The following RIMS2 variants were observed in gnomAD, a reference collection of about 807,000 sequenced individuals.
RIMS2 encodes the protein regulating synaptic membrane exocytosis 2, also known as regulating synaptic membrane exocytosis protein 2.
Under a neutral mutation model 174.4 loss-of-function variants are expected in RIMS2, and 59 were observed. The observed-to-expected ratio is 0.34, with a 90% CI of 0.27 to 0.42. RIMS2 has a LOEUF of 0.42. Among genes scored for constraint, RIMS2 ranks in the 10% least tolerant of loss-of-function variants. The pLI is 1.00. For synonymous variants in RIMS2, 606 were observed against 572.5 expected (o/e 1.06, Z -0.84); for missense variants, 1,620 against 1,666.3 (o/e 0.97, Z 0.48).
intron 1 of RIMS2, among the ~76,000 whole-genome samples, chr8:103,623,049 A>G (rs1428189263): frequency 2.0e-5 from 3 of 152,202 alleles, no homozygotes; most frequent in Non-Finnish European, 4.4e-5. Context: ...TTTGTTCCAT[A>G]AGACAGTCTC....
intron 19 of RIMS2, among the ~76,000 whole-genome samples, chr8:104,235,946 T>G (rs1045311861): frequency 1.6e-4 from 25 of 152,092 alleles, no homozygotes; most frequent in Admixed American, 1.5e-3. Flanking sequence ...CAGTCAAGAT[T>G]TATTCATTGC....
chr8:103,526,479 C>A (rs1260534068), intron 1 of RIMS2, among the ~76,000 whole-genome samples: 1 of 152,030 alleles, frequency 6.6e-6, no homozygotes, highest in East Asian at 1.9e-4. Context: ...CTAAGATAAA[C>A]AATAGACCAT....
At chr8:103,947,317 C>A (rs1409938577) in intron 14 of RIMS2, among the ~76,000 whole-genome samples, 1 of 152,102 alleles carries the variant, frequency 6.6e-6, no homozygotes, top group African/African-American at 2.4e-5. Flanking sequence ...AAGCCTCAGG[C>A]TGGGAGAAAA....
At chr8:103,653,792 T>G (rs750269651) in intron 1 of RIMS2, among the ~76,000 whole-genome samples, 1 of 152,128 alleles carries the variant, frequency 6.6e-6, no homozygotes, top group Non-Finnish European at 1.5e-5. Context: ...GTACTCTTCC[T>G]AATAGTTAAT....
intron 1 of RIMS2, among the ~76,000 whole-genome samples, chr8:103,546,046 T>C (rs1441874180): frequency 6.6e-6 from 1 of 152,040 alleles, no homozygotes; most frequent in Non-Finnish European, 1.5e-5. Context: ...TAACCTGGAA[T>C]GTAAACAAGC....
Position 103,500,996 on chromosome 8 carries a change from G to A in RIMS2, c.110G>A (p.Arg37Lys), listed in dbSNP as rs780062962. 5.0e-6 allele frequency: 8 copies of A among 1,611,822 alleles called. No individual in the cohort carries two copies. The East Asian group carries it at 1.6e-4, about 32-fold the overall frequency. ...CTCAGCCACCTCACGGAGGAGGAGA[G>A]GAAAATCATCCTGGCCGTCATGGAT... The change falls in exon 1 of 24, where the codon AGG becomes AAG. Residue 37 changes from arginine (R) to lysine (K), a missense_variant. Coordinates refer to ENST00000504942, the Ensembl canonical transcript of RIMS2.
At chr8:103,519,989 G>C (rs1302072701) in intron 1 of RIMS2, among the ~76,000 whole-genome samples, 1 of 151,836 alleles carries the variant, frequency 6.6e-6, no homozygotes, top group African/African-American at 2.4e-5. Flanking sequence ...TTCTAATCCT[G>C]TGTTTACTTA....
intron 1 of RIMS2, among the ~76,000 whole-genome samples, chr8:103,613,318 C>G (rs1449332731): frequency 2.0e-5 from 3 of 152,210 alleles, no homozygotes; most frequent in Admixed American, 2.0e-4. Flanking sequence ...TCCCTGTGGG[C>G]ACACTAACCC....
At chr8:103,944,550 C>T (rs923355502) in intron 14 of RIMS2, among the ~76,000 whole-genome samples, 2 of 152,022 alleles carry the variant, frequency 1.3e-5, no homozygotes, top group Admixed American at 6.6e-5. Context: ...AATCTACCAA[C>T]ATTTTTCATT....
At chr8:103,603,030 G>T (rs1317420032) in intron 1 of RIMS2, among the ~76,000 whole-genome samples, 1 of 151,290 alleles carries the variant, frequency 6.6e-6, no homozygotes, top group Non-Finnish European at 1.5e-5. Context: ...AAGTTTTAGG[G>T]TACATGTGCA....
intron 1 of RIMS2, among the ~76,000 whole-genome samples, chr8:103,696,885 A>AAAC (rs1554753422): frequency 0.11 from 15,378 of 136,012 alleles, 1,193 homozygotes; most frequent in African/African-American, 0.14. Context: ...AAAAAAAAAA[A>AAAC]GAAGGTAGAA....
intron 3 of RIMS2, among the ~76,000 whole-genome samples, chr8:103,774,724 A>C (rs1424534844): frequency 1.3e-5 from 2 of 152,210 alleles, no homozygotes; most frequent in Non-Finnish European, 2.9e-5. Flanking sequence ...AGAAGAGATA[A>C]AACAAATCTA....
intron 19 of RIMS2, among the ~76,000 whole-genome samples, chr8:104,104,801 G>C (rs1048528425): frequency 1.3e-5 from 2 of 151,456 alleles, no homozygotes; most frequent in South Asian, 4.2e-4. Context: ...GATCCCTTTG[G>C]CTAGTGAGGC....
intron 1 of RIMS2, among the ~76,000 whole-genome samples, chr8:103,588,792 A>G (rs2094106196): frequency 6.6e-6 from 1 of 151,990 alleles, no homozygotes; most frequent in African/African-American, 2.4e-5. Flanking sequence ...TTAGGACTTC[A>G]AACTATGAAA....
At chr8:104,155,063 A>G (rs2098713096) in intron 19 of RIMS2, among the ~76,000 whole-genome samples, 1 of 151,942 alleles carries the variant, frequency 6.6e-6, no homozygotes, top group Non-Finnish European at 1.5e-5. Context: ...AGAAGGTCTC[A>G]TGCCTTTCTG....
chr8:103,883,152 G>A (rs934060036), intron 3 of RIMS2, among the ~76,000 whole-genome samples: 2 of 151,686 alleles, frequency 1.3e-5, no homozygotes, highest in African/African-American at 4.8e-5. Context: ...TTATAAGATA[G>A]TGTGTGGCAT....
chr8:103,801,776 C>T (rs959961359), intron 3 of RIMS2, among the ~76,000 whole-genome samples: 3 of 152,162 alleles, frequency 2.0e-5, no homozygotes, highest in Non-Finnish European at 4.4e-5. Context: ...AGCCGTTATC[C>T]ATTTCCTGTA....
At chr8:104,007,654 A>G (rs1350518915) in intron 17 of RIMS2, among the ~76,000 whole-genome samples, 3 of 152,130 alleles carry the variant, frequency 2.0e-5, no homozygotes, top group Non-Finnish European at 4.4e-5. Flanking sequence ...CATCTATACC[A>G]TCTCTTAGTT....
chr8:103,889,131 G>C (rs1195950890), intron 4 of RIMS2, among the ~76,000 whole-genome samples: 1 of 151,506 alleles, frequency 6.6e-6, no homozygotes, highest in East Asian at 1.9e-4. Flanking sequence ...TTTGATTTGG[G>C]AATAAATTAC....
Sources: gnomAD v4.1 joint callset for allele counts (sites outside exome capture counted in the v4.1 genomes callset) on GRCh38, gnomAD v4.1.1 for gene constraint, MANE v1.5 for transcripts, NCBI Gene and HGNC (gene_info 2026-07-23, HGNC 2026-07-21) for gene names.